PRDM8: variants seen among roughly 807,000 people sequenced by gnomAD.
PRDM8 encodes PR/SET domain 8, also known as PR domain zinc finger protein 8.
A neutral mutation model predicts 46.5 loss-of-function variants in PRDM8; 13 were observed. That is an observed-to-expected ratio of 0.28 (90% confidence interval 0.18 to 0.44). PRDM8 has a LOEUF of 0.44. Ranked by LOEUF, PRDM8 falls within the 20% of genes least tolerant of loss-of-function variation. The pLI, the probability that PRDM8 is intolerant of heterozygous loss-of-function variation, is 1.00. For missense variants in PRDM8, 998 were observed against 955.0 expected (o/e 1.04, Z -0.59); for synonymous variants, 473 against 438.4 (o/e 1.08, Z -0.98).
intron 3 of PRDM8, 67 bp from the exon 4 acceptor site, chr4:80,201,847 T>C (rs965506424): frequency 1.9e-6 from 3 of 1,600,374 alleles, no homozygotes; most frequent in Admixed American, 1.7e-5. Context: ...TGCTGAGTAA[T>C]CATGTGGTGT....
intron 1 of PRDM8, among the ~76,000 whole-genome samples, chr4:80,187,660 C>T (rs569006318): frequency 6.6e-6 from 1 of 152,300 alleles, no homozygotes; most frequent in East Asian, 1.9e-4. Flanking sequence ...TGTAACTTCT[C>T]TTGAGTCAGG....
intron 1 of PRDM8, among the ~76,000 whole-genome samples, chr4:80,186,263 A>G (rs1164367250): frequency 6.8e-6 from 1 of 147,540 alleles, no homozygotes; most frequent in African/African-American, 2.5e-5. Context: ...AAACAGGTTT[A>G]AAGTCTGGGC....
chr4:80,186,591 T>A (rs1737109334), intron 1 of PRDM8, among the ~76,000 whole-genome samples: 1 of 152,136 alleles, frequency 6.6e-6, no homozygotes, highest in African/African-American at 2.4e-5. Flanking sequence ...ATGAAATCGA[T>A]CACGCCTCCA....
upstream of PRDM8, chr4:80,197,108 G>A: frequency 1.0e-6 from 1 of 985,474 alleles, no homozygotes; most frequent in Non-Finnish European, 1.2e-6. Context: ...ACGGAACGCG[G>A]ACTCCGGGGA....
exon 1 of PRDM8, chr4:80,185,359 A>G (rs927538599): frequency 6.6e-6 from 1 of 152,248 alleles, no homozygotes; most frequent in Non-Finnish European, 1.5e-5. Context: ...ACAATTTCAC[A>G]AAAAGCCTCG....
Position 80,201,284 on chromosome 4 carries a change from C to T in PRDM8, c.220-6C>T, listed in dbSNP as rs1371782706. 6 of 1,613,682 alleles carry T rather than the reference C, an allele frequency of 3.7e-6. No individual in the cohort carries two copies. Among genetic ancestry groups the T allele is most frequent in the South Asian group, 1.1e-5 (1 of 91,054 alleles). ...CTTGTCTTCTTTCATTTATTTCAAACCGCAGGTAGACACCTCAGCAGCAAA... is the reference window on the plus strand; with the variant it reads ...CTTGTCTTCTTTCATTTATTTCAAATCGCAGGTAGACACCTCAGCAGCAAA... On this transcript the variant is annotated splice_polypyrimidine_tract_variant and splice_region_variant and intron_variant, in intron 2 of 3. Coordinates refer to ENST00000415738, the MANE Select transcript of PRDM8 (RefSeq NM_001099403.2).
chr4:80,189,036 G>A (rs560670076), intron 1 of PRDM8, among the ~76,000 whole-genome samples: 2 of 152,268 alleles, frequency 1.3e-5, no homozygotes, highest in South Asian at 4.1e-4. Flanking sequence ...GAGGGCTGGA[G>A]CCATCCACCC....
intron 1 of PRDM8, among the ~76,000 whole-genome samples, chr4:80,190,405 C>G (rs772053468): frequency 6.6e-6 from 1 of 152,232 alleles, no homozygotes; most frequent in Non-Finnish European, 1.5e-5. Context: ...CCCACACTGC[C>G]CCACATTCAC....
intron 1 of PRDM8, chr4:80,190,311 G>C (rs1737446092): frequency 6.6e-6 from 1 of 152,284 alleles, no homozygotes; most frequent in Non-Finnish European, 1.5e-5. Context: ...AAGAACATGG[G>C]AAATGTGGCG....
rs192914453 is a variant in PRDM8, at chr4:80,187,456, G to T, written c.-983+1938G>T. On this transcript the variant is annotated intron_variant, in intron 1 of 9. Coordinates refer to the PRDM8 transcript ENST00000339711. Reference sequence around the variant, plus strand: ...AATGATGGGGCATTTGGTAATGCAGGTATGCTTCTCTACTTTGAAAGGGTC... The same window carrying T: ...AATGATGGGGCATTTGGTAATGCAGTTATGCTTCTCTACTTTGAAAGGGTC... 6.5e-4 allele frequency among the ~76,000 whole-genome samples: 99 copies of T among 152,280 alleles called. 1 individual carries two copies. Among genetic ancestry groups the T allele is most frequent in the African/African-American group, 2.3e-3 (94 of 41,558 alleles).
At position 80,202,646 on chromosome 4, in the gene PRDM8, C is replaced by A. The variant is rs1738603291; in HGVS notation, c.1184C>A (p.Ala395Glu). The change falls in exon 4 of 4, where the codon GCG becomes GAG. Residue 395 changes from alanine to glutamate, a missense_variant. Transcript: ENST00000415738. ...AFVEVKKAAR[A>E]ASLQEEGTAD... ...GTGGAGGTGAAGAAGGCTGCCCGCG[C>A]GGCCAGCCTGCAGGAGGAGGGGACA... is the stretch of plus-strand genomic sequence containing the variant. 4.7e-6 allele frequency: 7 copies of A among 1,504,886 alleles called. No individual in the cohort carries two copies. The highest frequency in any genetic ancestry group is 6.2e-6 in the Non-Finnish European group (7 of 1,132,000). 93.2% of individuals were successfully genotyped at this position (1,504,886 alleles called of 1,614,324 possible).
At chr4:80,194,925 A>C (rs1251723439), upstream of PRDM8, among the ~76,000 whole-genome samples, 1 of 152,244 alleles carries the variant, frequency 6.6e-6, no homozygotes, top group Non-Finnish European at 1.5e-5. Context: ...TATTTTATAC[A>C]AACTGGAGTC....
chr4:80,199,705 A>ATGTGTGTGTGTGTGTG (rs1321510964), intron 1 of PRDM8, among the ~76,000 whole-genome samples: 1 of 70,056 alleles, frequency 1.4e-5, no homozygotes, highest in East Asian at 6.8e-4. Flanking sequence ...GTATATATAT[A>ATGTGTGTGTGTGTGTG]TATATGTGTG....
chr4:80,192,178 C>T (rs1737598490), intron 2 of PRDM8, among the ~76,000 whole-genome samples: 1 of 152,144 alleles, frequency 6.6e-6, no homozygotes, highest in African/African-American at 2.4e-5. Flanking sequence ...GCTTTTTCCC[C>T]AGCAGCCCGA....
Position 80,203,514 on chromosome 4 carries a change from C to T in PRDM8, c.2052C>T (p.His684=), listed in dbSNP as rs778146426. The part of the protein sequence containing the change: ...SFRERHHLSR[H]MTSHN The stretch of plus-strand genomic sequence containing the variant: ...GGGAGCGCCACCACCTCTCCAGGCA[C>T]ATGACCTCGCATAATTGACTCGGAA... The change falls in exon 4 of 4, where the codon CAC becomes CAT. Residue 684 remains histidine, a synonymous_variant. Transcript: ENST00000415738. 2 of 1,610,816 alleles carry T rather than the reference C, an allele frequency of 1.2e-6. No individual in the cohort carries two copies. Among genetic ancestry groups the T allele is most frequent in the South Asian group, 1.1e-5 (1 of 90,534 alleles).
chr4:80,196,295 T>G, upstream of PRDM8: 18 of 982,892 alleles, frequency 1.8e-5, no homozygotes, highest in Non-Finnish European at 2.1e-5. Flanking sequence ...GTGGTGTGTG[T>G]GGGGCTGAAG....
intron 1 of PRDM8, among the ~76,000 whole-genome samples, chr4:80,198,970 GTTTTTTTGGGTTTTTT>G (rs1560472639): frequency 8.7e-6 from 1 of 114,878 alleles, no homozygotes; most frequent in African/African-American, 3.1e-5. Context: ...AAATACCTGG[GTTTTTTTGGGTTTTTT>G]TTTTTTTGTT....
At chr4:80,189,377 G>C (rs549540483) in intron 1 of PRDM8, among the ~76,000 whole-genome samples, 1 of 151,968 alleles carries the variant, frequency 6.6e-6, no homozygotes, top group Non-Finnish European at 1.5e-5. Context: ...TCAATCTACC[G>C]GGCAGGCCTT....
Position 80,202,358 on chromosome 4 carries a change from A to G in PRDM8, c.896A>G (p.Glu299Gly). The part of the protein sequence containing the change: ...SGGGGGHQEA[E>G]LSPDGIATGG... Reference sequence around the variant, plus strand: ...GGCGGCGGCGGCCACCAGGAGGCGGAGCTGAGTCCCGACGGCATCGCCACG... The same window carrying G: ...GGCGGCGGCGGCCACCAGGAGGCGGGGCTGAGTCCCGACGGCATCGCCACG... The change falls in exon 4 of 4, where the codon GAG becomes GGG. Residue 299 changes from glutamate (E) to glycine (G), a missense_variant. Physicochemically the swap from Glu to Gly is moderately conservative, Grantham distance 98 (BLOSUM62 -2). Coordinates refer to ENST00000415738, the MANE Select transcript of PRDM8 (RefSeq NM_001099403.2). 6.3e-7 allele frequency: 1 copy of G among 1,593,246 alleles called. No individual in the cohort carries two copies. Among genetic ancestry groups the G allele is most frequent in the Non-Finnish European group, 8.5e-7 (1 of 1,170,822 alleles).
Sources: allele counts gnomAD v4.1 joint callset (sites outside exome capture counted in the v4.1 genomes callset), GRCh38; gene constraint gnomAD v4.1.1; transcripts MANE v1.5; gene names NCBI Gene and HGNC (gene_info 2026-07-23, HGNC 2026-07-21).